Variants in STK3 observed in about 807,000 individuals in gnomAD.
The protein encoded by STK3 is serine/threonine-protein kinase 3.
In STK3, 41 loss-of-function variants were observed where a neutral mutation model predicts 58.0. That is an observed-to-expected ratio of 0.71 (90% confidence interval 0.55 to 0.92). The LOEUF is 0.92. Ranked by LOEUF, STK3 falls within the 40% of genes least tolerant of loss-of-function variation. STK3 has a pLI of 0.00. For synonymous variants in STK3, 170 were observed against 191.0 expected, an observed-to-expected ratio of 0.89 and a Z score of 0.91; for missense variants, 479 against 602.7, an observed-to-expected ratio of 0.79 and a Z score of 2.15.
At chr8:98,867,259 T>A (rs1201302605) in intron 3 of STK3, among the ~76,000 whole-genome samples, 2 of 151,950 alleles carry the variant, frequency 1.3e-5, no homozygotes, top group Non-Finnish European at 2.9e-5. Flanking sequence ...CTACAAAAAA[T>A]ACAAAAATTA....
chr8:98,680,165 G>C (rs1823527823), intron 6 of STK3, among the ~76,000 whole-genome samples: 1 of 152,076 alleles, frequency 6.6e-6, no homozygotes, highest in Non-Finnish European at 1.5e-5. Flanking sequence ...TTATCTGAAA[G>C]ATCTTTGGAT....
chr8:98,621,854 C>T (rs1451219439), intron 6 of STK3, among the ~76,000 whole-genome samples: 1 of 151,898 alleles, frequency 6.6e-6, no homozygotes, highest in African/African-American at 2.4e-5. Flanking sequence ...ATAAGAAGCT[C>T]CGTATGGCCA....
chr8:98,546,916 G>A (rs1810744640), intron 9 of STK3, among the ~76,000 whole-genome samples: 1 of 152,124 alleles, frequency 6.6e-6, no homozygotes. Flanking sequence ...CAGAACTAGG[G>A]AATGTGAAGA....
chr8:98,698,419 G>T (rs1320462189), intron 6 of STK3, among the ~76,000 whole-genome samples: 1 of 152,086 alleles, frequency 6.6e-6, no homozygotes, highest in East Asian at 1.9e-4. Context: ...ATGTTAGCTG[G>T]TTATTTTGCT....
intron 1 of STK3, among the ~76,000 whole-genome samples, chr8:98,886,105 G>T (rs1214746858): frequency 6.6e-6 from 1 of 152,108 alleles, no homozygotes; most frequent in Non-Finnish European, 1.5e-5. Context: ...GAATCTTTAT[G>T]GTAGAACAGT....
At chr8:98,687,840 AC>A (rs1824114218) in intron 6 of STK3, among the ~76,000 whole-genome samples, 1 of 152,162 alleles carries the variant, frequency 6.6e-6, no homozygotes, top group African/African-American at 2.4e-5. Context: ...AAAGCACATA[AC>A]CCACAGACTC....
chr8:98,803,123 T>C (rs1395167115), intron 1 of STK3, among the ~76,000 whole-genome samples: 1 of 152,200 alleles, frequency 6.6e-6, no homozygotes, highest in Non-Finnish European at 1.5e-5. Context: ...CATTCAGTTT[T>C]TTCTGTTATT....
At chr8:98,509,692 G>A (rs1429734804) in intron 10 of STK3, among the ~76,000 whole-genome samples, 6 of 151,682 alleles carry the variant, frequency 4.0e-5, no homozygotes, top group African/African-American at 1.5e-4. Flanking sequence ...ATACACTGAG[G>A]AATAAGACAT....
At chr8:98,854,055 C>T (rs1266317463) in intron 3 of STK3, among the ~76,000 whole-genome samples, 1 of 152,014 alleles carries the variant, frequency 6.6e-6, no homozygotes, top group East Asian at 1.9e-4. Flanking sequence ...ACCAATATCT[C>T]TTATGAATAT....
At position 98,485,690 on chromosome 8, in the gene STK3, A is replaced by G. The variant is rs377097745; in HGVS notation, c.1318-29690T>C. On this transcript the variant is annotated intron_variant, in intron 10 of 10. Coordinates refer to ENST00000419617, the MANE Select transcript of STK3 (RefSeq NM_006281.4). Reference sequence around the variant, plus strand: ...CAGACAATTGTACAAGTAAAGACAAAGAAGTAGGAGGCTGCCATGTACATG... The same window carrying G: ...CAGACAATTGTACAAGTAAAGACAAGGAAGTAGGAGGCTGCCATGTACATG... Among the ~76,000 whole-genome samples the G allele has an allele frequency of 2.0e-5, 3 of 152,280 alleles. No individual in the cohort carries two copies. The South Asian group carries it at 6.2e-4, about 32-fold the overall frequency.
chr8:98,658,687 A>C (rs1821734505), intron 6 of STK3, among the ~76,000 whole-genome samples: 2 of 151,726 alleles, frequency 1.3e-5, no homozygotes, highest in Admixed American at 6.6e-5. Context: ...TCTCACCACC[A>C]GTTTGGTTTC....
rs1053229143 is a variant in STK3 at position 98,760,018 on chromosome 8, T to G, written c.236+7225A>C. On this transcript the variant is annotated intron_variant, in intron 3 of 10. Coordinates refer to ENST00000419617, the MANE Select transcript of STK3 (RefSeq NM_006281.4). ...CCAAATAATTGTTATACTGCATTGGTTTTTTTTTTTATTGTTTTTTTCTAT... is the reference window on the plus strand; with the variant it reads ...CCAAATAATTGTTATACTGCATTGGGTTTTTTTTTTATTGTTTTTTTCTAT... 8.1e-5 allele frequency among the ~76,000 whole-genome samples: 11 copies of G among 135,366 alleles called. No homozygotes were observed. The South Asian group carries it at 2.6e-3, about 32-fold the overall frequency. 88.8% of individuals were successfully genotyped at this position (135,366 alleles called of 152,430 possible).
intron 10 of STK3, among the ~76,000 whole-genome samples, chr8:98,484,130 G>GTCTTTAAGTATTAAAGACTTAATACTAAA (rs1586675271): frequency 2.0e-5 from 3 of 152,020 alleles, no homozygotes; most frequent in Admixed American, 2.0e-4. Flanking sequence ...TTAATACTAA[G>GTCTTTAAGTATTAAAGACTTAATACTAAA]TCCACTAAGT....
Position 98,767,272 on chromosome 8 carries a change from TTTGA to T in STK3, c.203_206del (p.Ile68LysfsTer5), listed in dbSNP as rs1831008573. The T allele has an allele frequency of 6.2e-7, 1 of 1,610,432 alleles. No homozygotes were observed. The highest frequency in any genetic ancestry group is 8.5e-7 in the Non-Finnish European group (1 of 1,179,210). On this transcript the variant is annotated frameshift_variant, in exon 3 of 11. Coordinates refer to ENST00000419617, the MANE Select transcript of STK3 (RefSeq NM_006281.4). LOFTEE classifies it high-confidence loss of function. ...CACATTGCTGCATTATGGAAATTTC[TTTGA>T]TTATTTCCTGAAGATCTGATTCAAC...
At chr8:98,344,412 A>G in the STK3 span, among the ~76,000 whole-genome samples, 1 of 152,360 alleles carries the variant, frequency 6.6e-6, no homozygotes. Context: ...TCAGGCTGCC[A>G]GGAAAGCCTA....
intron 6 of STK3, among the ~76,000 whole-genome samples, chr8:98,624,393 ACTC>A (rs969375333): frequency 6.6e-6 from 1 of 151,786 alleles, no homozygotes; most frequent in African/African-American, 2.4e-5. Context: ...AATAATATCT[ACTC>A]CTTTTAGAGT....
At chr8:98,744,561 A>C (rs1337144129) in intron 4 of STK3, among the ~76,000 whole-genome samples, 1 of 122,122 alleles carries the variant, frequency 8.2e-6, no homozygotes, top group Non-Finnish European at 1.6e-5. Flanking sequence ...GAAGGGGAAC[A>C]TCGCACTCTG....
chr8:98,711,721 T>A (rs749036020), intron 4 of STK3, among the ~76,000 whole-genome samples: 6 of 152,132 alleles, frequency 3.9e-5, no homozygotes, highest in Non-Finnish European at 5.9e-5. Flanking sequence ...CAGGATATCA[T>A]CCAGGAGAAC....
At chr8:98,430,424 G>A (rs1010384995) in intron 3 of STK3, 2 of 166,996 alleles carry the variant, frequency 1.2e-5, no homozygotes, top group Non-Finnish European at 1.5e-5. Context: ...CTGTTGTATC[G>A]TCTCCCTGAG....
Sources: allele counts gnomAD v4.1 joint callset (sites outside exome capture counted in the v4.1 genomes callset), GRCh38; gene constraint gnomAD v4.1.1; transcripts MANE v1.5; gene names NCBI Gene and HGNC (gene_info 2026-07-23, HGNC 2026-07-21).